The following WDFY2 variants were observed in gnomAD, a reference collection of about 807,000 sequenced individuals.
The protein encoded by WDFY2 is WD repeat and FYVE domain containing 2.
A neutral mutation model predicts 56.4 loss-of-function variants in WDFY2; 36 were observed. That is an observed-to-expected ratio of 0.64 (90% CI 0.49 to 0.84). The LOEUF is 0.84. Ranked by LOEUF, WDFY2 falls within the 40% of genes least tolerant of loss-of-function variation. The pLI is 0.00. For synonymous variants in WDFY2, 176 were observed against 183.7 expected, an observed-to-expected ratio of 0.96 and a Z score of 0.34; for missense variants, 444 against 512.2, an observed-to-expected ratio of 0.87 and a Z score of 1.29.
intron 1 of WDFY2, among the ~76,000 whole-genome samples, chr13:51,636,087 T>A (rs531461788): frequency 6.6e-6 from 1 of 152,332 alleles, no homozygotes; most frequent in East Asian, 1.9e-4. Context: ...TGTCTTCCCT[T>A]ACATATATCA....
At chr13:51,662,710 A>G (rs1308441259) in intron 2 of WDFY2, among the ~76,000 whole-genome samples, 2 of 152,200 alleles carry the variant, frequency 1.3e-5, no homozygotes, top group African/African-American at 4.8e-5. Context: ...CACCTGGCAT[A>G]GGTGCTCAAT....
chr13:51,746,251 C>T lies in WDFY2; in HGVS notation c.726-5059C>T, dbSNP rs78117295. ...AGGCGTGAGCCACTGCTGAACTGGA[C>T]TTTTCAAAGCCTCTAAAATTTGCCA... On this transcript the variant is annotated intron_variant, in intron 7 of 11. Transcript: ENST00000298125. 1.6e-3 allele frequency among the ~76,000 whole-genome samples: 240 copies of T among 152,308 alleles called. 5 individuals carry two copies. In the East Asian group the frequency reaches 0.042, roughly 26 times the overall value.
intron 7 of WDFY2, among the ~76,000 whole-genome samples, chr13:51,748,972 A>G (rs193210769): frequency 6.6e-6 from 1 of 152,314 alleles, no homozygotes; most frequent in East Asian, 1.9e-4. Context: ...AAAGTATACA[A>G]TGGAGTTTTC....
chr13:51,628,266 G>A (rs1293120179), intron 1 of WDFY2, among the ~76,000 whole-genome samples: 1 of 152,266 alleles, frequency 6.6e-6, no homozygotes, highest in Non-Finnish European at 1.5e-5. Context: ...AGAGGGGGCC[G>A]AGGTGGTGTT....
intron 6 of WDFY2, among the ~76,000 whole-genome samples, chr13:51,733,289 A>G (rs975059143): frequency 6.6e-6 from 1 of 152,166 alleles, no homozygotes; most frequent in Non-Finnish European, 1.5e-5. Flanking sequence ...CGCCCACTTC[A>G]GCCTCCCAAA....
intron 1 of WDFY2, among the ~76,000 whole-genome samples, chr13:51,657,625 G>T (rs1012581670): frequency 6.6e-6 from 1 of 152,062 alleles, no homozygotes; most frequent in Non-Finnish European, 1.5e-5. Flanking sequence ...GGTCTCTTAC[G>T]CTCTGTTTGT....
chr13:51,752,590 C>T (rs1297672414), intron 8 of WDFY2, among the ~76,000 whole-genome samples: 5 of 152,124 alleles, frequency 3.3e-5, no homozygotes, highest in South Asian at 2.1e-4. Flanking sequence ...CTTTGGTGCA[C>T]GTAGCCTGGA....
chr13:51,626,492 C>T (rs1331063735), intron 1 of WDFY2, among the ~76,000 whole-genome samples: 1 of 152,198 alleles, frequency 6.6e-6, no homozygotes, highest in East Asian at 1.9e-4. Context: ...TAGCTCCTTT[C>T]TCTTTCTCCA....
chr13:51,597,490 T>C (rs1477794062), intron 1 of WDFY2, among the ~76,000 whole-genome samples: 1 of 152,232 alleles, frequency 6.6e-6, no homozygotes, highest in East Asian at 1.9e-4. Context: ...CTATAGTCAC[T>C]ATTTTCAGGA....
At chr13:51,625,749 C>G (rs1331614891) in intron 1 of WDFY2, among the ~76,000 whole-genome samples, 1 of 152,192 alleles carries the variant, frequency 6.6e-6, no homozygotes, top group East Asian at 1.9e-4. Flanking sequence ...TTTAACCAGT[C>G]CAGAGCACTG....
chr13:51,660,744 G>A, intron 2 of WDFY2, 81 bp downstream of exon 2: 1 of 1,222,060 alleles, frequency 8.2e-7, no homozygotes, highest in Non-Finnish European at 1.2e-6. Flanking sequence ...CTTAAGTAGA[G>A]AAGACTGAGG....
chr13:51,696,826 T>C (rs1951887096), intron 3 of WDFY2, among the ~76,000 whole-genome samples: 1 of 152,202 alleles, frequency 6.6e-6, no homozygotes, highest in South Asian at 2.1e-4. Context: ...AACGAAAATA[T>C]TATTTTATTT....
At chr13:51,607,018 A>C (rs1954396140) in intron 1 of WDFY2, among the ~76,000 whole-genome samples, 1 of 152,200 alleles carries the variant, frequency 6.6e-6, no homozygotes, top group Non-Finnish European at 1.5e-5. Context: ...GAAAATAAAC[A>C]AAAATAACCT....
intron 3 of WDFY2, among the ~76,000 whole-genome samples, chr13:51,694,704 A>G (rs1049549764): frequency 6.6e-6 from 1 of 151,824 alleles, no homozygotes; most frequent in Non-Finnish European, 1.5e-5. Context: ...CGTTCTCTGT[A>G]TTTCCTGAGT....
Position 51,765,576 on chromosome 13 carries a change from C to T in WDFY2, c.*5807C>T, listed in dbSNP as rs1473913476. On this transcript the variant is annotated 3_prime_UTR_variant, in exon 12 of 12. Transcript: ENST00000298125. ...TGTGATTCTCTGATTCCCTGAGTCT[C>T]GTTTATTATTGGACATGCCTAGCCC... is the stretch of plus-strand genomic sequence containing the variant. The T allele has an allele frequency of 2.0e-5, 3 of 152,184 alleles. No individual in the cohort carries two copies. Among genetic ancestry groups the T allele is most frequent in the African/African-American group, 7.2e-5 (3 of 41,454 alleles). The allele number at this position is 152,184 out of a possible 1,614,324, so 9.4% of individuals were successfully genotyped here.
rs906518155 is a variant in WDFY2, at chr13:51,692,634, A to G, written c.280-10962A>G. On this transcript the variant is annotated intron_variant, in intron 3 of 11. Transcript: ENST00000298125. ...AGGATTTTTGCATCAATGTTCATCA[A>G]GGATATTGGTCTAAAATTCTCTTTT... Among the ~76,000 whole-genome samples the G allele has an allele frequency of 4.5e-3, 687 of 152,304 alleles. 5 individuals are homozygous for G. The highest frequency in any genetic ancestry group is 0.014 in the African/African-American group (593 of 41,552).
intron 4 of WDFY2, among the ~76,000 whole-genome samples, chr13:51,714,653 T>C (rs1183794453): frequency 6.6e-6 from 1 of 152,184 alleles, no homozygotes; most frequent in Non-Finnish European, 1.5e-5. Context: ...AAAAACAGTT[T>C]GGTAGTTCCT....
chr13:51,592,408 C>G (rs1954065234), intron 1 of WDFY2: 1 of 151,870 alleles, frequency 6.6e-6, no homozygotes, highest in African/African-American at 2.4e-5. Context: ...AACCCTGTCT[C>G]TACTAAAAAT....
chr13:51,700,528 G>A (rs1951960384), intron 3 of WDFY2, among the ~76,000 whole-genome samples: 1 of 151,992 alleles, frequency 6.6e-6, no homozygotes, highest in Non-Finnish European at 1.5e-5. Flanking sequence ...AAATTTCAAT[G>A]GTCATACTCT....
Sources: gnomAD v4.1 joint callset for allele counts (sites outside exome capture counted in the v4.1 genomes callset) on GRCh38, gnomAD v4.1.1 for gene constraint, MANE v1.5 for transcripts, NCBI Gene and HGNC (gene_info 2026-07-23, HGNC 2026-07-21) for gene names.